The following CSMD1 variants were observed in gnomAD, a reference collection of about 807,000 sequenced individuals.
CSMD1 encodes the protein CUB and Sushi multiple domains 1.
CSMD1 carries 213 observed loss-of-function variants against 417.5 expected under a neutral mutation model. That is an observed-to-expected ratio of 0.51 (90% CI 0.46 to 0.57). The LOEUF (loss-of-function observed/expected upper bound fraction) is 0.57, where lower values mean the gene tolerates loss of function less well. Ranked by LOEUF, CSMD1 falls within the 20% of genes least tolerant of loss-of-function variation. The probability of loss-of-function intolerance (pLI) is 0.00; values close to 1 mark genes in which losing one functional copy is unlikely to be tolerated. For missense variants in CSMD1, 6,923 were observed against 4,529.7 expected (o/e 1.53, Z -15.17); for synonymous variants, 2,862 against 1,736.8 (o/e 1.65, Z -16.11).
At chr8:2,991,850 T>C (rs1026676528) in intron 54 of CSMD1, among the ~76,000 whole-genome samples, 20 of 152,276 alleles carry the variant, frequency 1.3e-4, no homozygotes, top group Admixed American at 3.9e-4. Flanking sequence ...TTTAATAAAT[T>C]CCACCTATTA....
chr8:4,104,180 A>C (rs1472829681), intron 3 of CSMD1, among the ~76,000 whole-genome samples: 1 of 152,222 alleles, frequency 6.6e-6, no homozygotes, highest in Non-Finnish European at 1.5e-5. Context: ...ACTGGAATTT[A>C]GTTCATTCTC....
At chr8:4,907,284 G>A (rs958141387) in intron 1 of CSMD1, among the ~76,000 whole-genome samples, 4 of 152,060 alleles carry the variant, frequency 2.6e-5, no homozygotes, top group Non-Finnish European at 5.9e-5. Context: ...TGTACCTTCT[G>A]CATTGATTTC....
At chr8:4,296,698 T>TG (rs1277938871) in intron 3 of CSMD1, among the ~76,000 whole-genome samples, 4 of 147,530 alleles carry the variant, frequency 2.7e-5, no homozygotes, top group African/African-American at 1.0e-4. Context: ...AAATAAGGGT[T>TG]TTTTTTTTTT....
intron 6 of CSMD1, among the ~76,000 whole-genome samples, chr8:3,752,327 A>G (rs1237754323): frequency 6.6e-6 from 1 of 152,158 alleles, no homozygotes; most frequent in Non-Finnish European, 1.5e-5. Flanking sequence ...TCAGAAGGCA[A>G]TCTAAGATGG....
chr8:4,344,519 C>G (rs776804177), intron 3 of CSMD1, among the ~76,000 whole-genome samples: 2 of 150,904 alleles, frequency 1.3e-5, no homozygotes, highest in Admixed American at 6.6e-5. Context: ...AAATGATTGT[C>G]AGAAATATAT....
chr8:3,445,870 A>G (rs1259133481), intron 12 of CSMD1, among the ~76,000 whole-genome samples: 1 of 152,166 alleles, frequency 6.6e-6, no homozygotes, highest in African/African-American at 2.4e-5. Flanking sequence ...ATGGTATGTT[A>G]TAGAAATAGC....
intron 5 of CSMD1, among the ~76,000 whole-genome samples, chr8:3,975,851 G>A (rs905060295): frequency 1.3e-5 from 2 of 152,040 alleles, no homozygotes; most frequent in Non-Finnish European, 2.9e-5. Context: ...TTTAGTTATT[G>A]TTGTCCTTCA....
intron 49 of CSMD1, among the ~76,000 whole-genome samples, chr8:3,080,260 T>C (rs1027835378): frequency 3.3e-5 from 5 of 152,176 alleles, no homozygotes; most frequent in Admixed American, 3.3e-4. Context: ...GAATTTCAGT[T>C]CTAATTCAGG....
At chr8:3,975,798 A>T (rs1345823424) in intron 5 of CSMD1, among the ~76,000 whole-genome samples, 1 of 152,196 alleles carries the variant, frequency 6.6e-6, no homozygotes, top group Non-Finnish European at 1.5e-5. Context: ...TAAAAAACCC[A>T]TATAGGTTTA....
Position 4,266,020 on chromosome 8 carries a change from C to T in CSMD1, c.415+153933G>A, listed in dbSNP as rs1426871020. On this transcript the variant is annotated intron_variant, in intron 3 of 69. Coordinates refer to ENST00000635120, the MANE Select transcript of CSMD1 (RefSeq NM_033225.6). Reference sequence around the variant, plus strand: ...GCTGTGTAAGTCATCCCAAACCGGCCCACCGCACTCAGGCTCGCCCGGCAT... The same window carrying T: ...GCTGTGTAAGTCATCCCAAACCGGCTCACCGCACTCAGGCTCGCCCGGCAT... Among the ~76,000 whole-genome samples the T allele has an allele frequency of 1.5e-4, 16 of 103,772 alleles. 2 individuals are homozygous for T. The highest frequency in any genetic ancestry group is 4.2e-4 in the African/African-American group (16 of 38,070). The allele number at this position is 103,772 out of a possible 152,430, so 68.1% of individuals were successfully genotyped here. A position where few individuals can be genotyped will look rare whatever the true frequency, so the allele number is the denominator to read the frequency against.
chr8:4,106,186 A>C (rs1801559137), intron 3 of CSMD1, among the ~76,000 whole-genome samples: 1 of 152,162 alleles, frequency 6.6e-6, no homozygotes, highest in Non-Finnish European at 1.5e-5. Context: ...CCTGATGGAC[A>C]CCCGGAGATC....
intron 54 of CSMD1, among the ~76,000 whole-genome samples, chr8:2,980,280 G>A (rs1209838441): frequency 1.3e-5 from 2 of 152,006 alleles, no homozygotes; most frequent in Non-Finnish European, 2.9e-5. Flanking sequence ...ATGGCCCCGG[G>A]ATGCCAAAGG....
At chr8:3,607,447 A>G (rs1366538284) in intron 8 of CSMD1, among the ~76,000 whole-genome samples, 2 of 152,230 alleles carry the variant, frequency 1.3e-5, no homozygotes, top group African/African-American at 4.8e-5. Context: ...TGCATGAACT[A>G]CTAAGACAGT....
At chr8:4,069,618 C>T (rs1468609258) in intron 3 of CSMD1, among the ~76,000 whole-genome samples, 1 of 152,184 alleles carries the variant, frequency 6.6e-6, no homozygotes, top group Non-Finnish European at 1.5e-5. Flanking sequence ...ACCATCTGGC[C>T]TGTATTCCCC....
intron 1 of CSMD1, among the ~76,000 whole-genome samples, chr8:4,654,529 G>A (rs759097958): frequency 3.9e-5 from 6 of 152,084 alleles, no homozygotes; most frequent in Non-Finnish European, 7.3e-5. Flanking sequence ...TACGTTTGCT[G>A]AGAGGCACAG....
At chr8:3,308,736 T>G (rs1805091778) in intron 23 of CSMD1, among the ~76,000 whole-genome samples, 3 of 61,798 alleles carry the variant, frequency 4.9e-5, no homozygotes, top group African/African-American at 1.5e-4. Context: ...TTACAAGTTT[T>G]TTTTTTTTTT....
At chr8:3,062,922 T>C (rs1395368173) in intron 49 of CSMD1, among the ~76,000 whole-genome samples, 1 of 152,158 alleles carries the variant, frequency 6.6e-6, no homozygotes, top group African/African-American at 2.4e-5. Flanking sequence ...TTTTAAACTG[T>C]CTTTTTTTCG....
At chr8:4,310,482 C>T (rs1304305948) in intron 3 of CSMD1, among the ~76,000 whole-genome samples, 1 of 151,774 alleles carries the variant, frequency 6.6e-6, no homozygotes, top group Admixed American at 6.6e-5. Flanking sequence ...CTTTTATCTG[C>T]TGTTTATTAA....
intron 18 of CSMD1, among the ~76,000 whole-genome samples, chr8:3,386,644 A>G (rs1267984160): frequency 6.6e-6 from 1 of 152,208 alleles, no homozygotes; most frequent in Non-Finnish European, 1.5e-5. Context: ...TTGTCTGTGA[A>G]AAGTATTGAA....
Sources: allele counts gnomAD v4.1 joint callset (sites outside exome capture counted in the v4.1 genomes callset), GRCh38; gene constraint gnomAD v4.1.1; transcripts MANE v1.5; gene names NCBI Gene and HGNC (gene_info 2026-07-23, HGNC 2026-07-21).